The following CACNA2D3 variants were observed in gnomAD, a reference collection of about 807,000 sequenced individuals.
CACNA2D3 encodes the protein voltage-dependent calcium channel subunit alpha-2/delta-3.
A neutral mutation model predicts 160.6 loss-of-function variants in CACNA2D3; 60 were observed. The observed-to-expected ratio is 0.37, with a 90% CI of 0.30 to 0.46. CACNA2D3 has a LOEUF of 0.46. CACNA2D3 is among the 20% of genes least tolerant of loss of function. The probability of loss-of-function intolerance (pLI) is 1.00; values close to 1 mark genes in which losing one functional copy is unlikely to be tolerated. For synonymous variants in CACNA2D3, 558 were observed against 492.9 expected (o/e 1.13, Z -1.75); for missense variants, 1,205 against 1,365.0 (o/e 0.88, Z 1.85).
intron 5 of CACNA2D3, among the ~76,000 whole-genome samples, chr3:54,516,160 T>C (rs539604607): frequency 6.6e-6 from 1 of 152,330 alleles, no homozygotes; most frequent in African/African-American, 2.4e-5. Context: ...GGGGATAAGG[T>C]GCCCTCTCTC....
chr3:54,123,683 A>G, intron 2 of CACNA2D3, 89 bp downstream of exon 2: 1 of 1,044,090 alleles, frequency 9.6e-7, no homozygotes, highest in East Asian at 2.4e-5. Context: ...GTGAGCCCCG[A>G]GCAGCATCAG....
At chr3:54,897,281 T>G (rs748288401) in intron 26 of CACNA2D3, among the ~76,000 whole-genome samples, 1 of 152,306 alleles carries the variant, frequency 6.6e-6, no homozygotes, top group Admixed American at 6.5e-5. Context: ...TAAACTGATA[T>G]GCCGGACTAA....
At chr3:54,209,546 C>T (rs971473640) in intron 2 of CACNA2D3, among the ~76,000 whole-genome samples, 3 of 152,192 alleles carry the variant, frequency 2.0e-5, no homozygotes, top group Non-Finnish European at 4.4e-5. Flanking sequence ...CTGTTCCAAA[C>T]GTATGCTCCT....
intron 2 of CACNA2D3, among the ~76,000 whole-genome samples, chr3:54,169,811 T>C (rs1157637929): frequency 6.6e-6 from 1 of 151,958 alleles, no homozygotes; most frequent in African/African-American, 2.4e-5. Context: ...ATTTCCTATA[T>C]AAGGTGGAGA....
At chr3:54,154,967 A>C (rs1444356355) in intron 2 of CACNA2D3, among the ~76,000 whole-genome samples, 1 of 152,244 alleles carries the variant, frequency 6.6e-6, no homozygotes, top group African/African-American at 2.4e-5. Flanking sequence ...AAAATTATTT[A>C]AATGAAAACC....
At chr3:54,687,056 C>T (rs1404242343) in intron 11 of CACNA2D3, among the ~76,000 whole-genome samples, 1 of 150,160 alleles carries the variant, frequency 6.7e-6, no homozygotes, top group East Asian at 2.0e-4. Context: ...GGTGGCATAC[C>T]TGAGTGCTAA....
At chr3:54,815,323 C>T (rs1473745221) in intron 13 of CACNA2D3, among the ~76,000 whole-genome samples, 1 of 152,086 alleles carries the variant, frequency 6.6e-6, no homozygotes, top group African/African-American at 2.4e-5. Context: ...ATTCTCAATA[C>T]CATTTTGGAG....
chr3:54,753,737 A>AT (rs1701913275), intron 12 of CACNA2D3, among the ~76,000 whole-genome samples: 1 of 152,138 alleles, frequency 6.6e-6, no homozygotes, highest in South Asian at 2.1e-4. Flanking sequence ...TCTTCCTTTA[A>AT]TTTTTTAACT....
chr3:55,056,781 G>A (rs1034767054), intron 35 of CACNA2D3, among the ~76,000 whole-genome samples: 6 of 152,168 alleles, frequency 3.9e-5, no homozygotes, highest in Admixed American at 3.9e-4. Flanking sequence ...GAGTAGCATG[G>A]TGGTAACAGA....
At chr3:54,313,964 G>C (rs1233161456) in intron 2 of CACNA2D3, among the ~76,000 whole-genome samples, 1 of 150,978 alleles carries the variant, frequency 6.6e-6, no homozygotes, top group African/African-American at 2.4e-5. Context: ...GTGTTCTTTA[G>C]TGGTGATTTG....
At chr3:54,770,812 T>C (rs750089311) in intron 13 of CACNA2D3, among the ~76,000 whole-genome samples, 1 of 152,224 alleles carries the variant, frequency 6.6e-6, no homozygotes, top group East Asian at 1.9e-4. Flanking sequence ...TTAAATATTA[T>C]TTAAACCAAC....
chr3:54,123,038 G>C (rs1284959722), intron 1 of CACNA2D3, among the ~76,000 whole-genome samples: 1 of 152,180 alleles, frequency 6.6e-6, no homozygotes, highest in Admixed American at 6.5e-5. Flanking sequence ...GTTGCCGAGT[G>C]AGATCTGGAG....
Position 54,545,286 on chromosome 3 carries a change from A to C in CACNA2D3, c.545-17514A>C, listed in dbSNP as rs953549278. Among the ~76,000 whole-genome samples, 6 of 152,358 alleles carry C rather than the reference A, an allele frequency of 3.9e-5. No individual in the cohort carries two copies. In the East Asian group the frequency reaches 1.2e-3, roughly 29 times the overall value. Reference sequence around the variant, plus strand: ...AGCATGTTCTTTTTAAAACAATTTCAGCTAAAATTTCTAAGTAGTTCTGTC... The same window carrying C: ...AGCATGTTCTTTTTAAAACAATTTCCGCTAAAATTTCTAAGTAGTTCTGTC... On this transcript the variant is annotated intron_variant, in intron 5 of 37. Transcript: ENST00000474759.
At chr3:54,287,415 G>C (rs980255087) in intron 2 of CACNA2D3, among the ~76,000 whole-genome samples, 3 of 151,432 alleles carry the variant, frequency 2.0e-5, no homozygotes, top group Non-Finnish European at 3.0e-5. Flanking sequence ...GGAGCACCCA[G>C]ATTCATAAAG....
chr3:55,011,149 G>T (rs3773568), intron 34 of CACNA2D3, among the ~76,000 whole-genome samples: 47,851 of 152,156 alleles, frequency 0.31, 8,393 homozygotes, highest in Non-Finnish European at 0.39. Flanking sequence ...CCCTGCTGAT[G>T]CCCGCATAGT....
chr3:54,303,808 CTTTTTTTCTGTTTTT>C (rs1308861285), intron 2 of CACNA2D3, among the ~76,000 whole-genome samples: 1 of 110,584 alleles, frequency 9.0e-6, no homozygotes, highest in African/African-American at 3.4e-5. Flanking sequence ...TCATCAGTGA[CTTTTTTTCTGTTTTT>C]TTTTTTTTTT....
chr3:54,782,909 C>G (rs1300480245), intron 13 of CACNA2D3, among the ~76,000 whole-genome samples: 3 of 152,090 alleles, frequency 2.0e-5, no homozygotes, highest in Non-Finnish European at 4.4e-5. Flanking sequence ...AACTGGGGTA[C>G]TAAGAGCTGC....
intron 6 of CACNA2D3, among the ~76,000 whole-genome samples, chr3:54,567,541 CTGTT>C (rs1185444936): frequency 2.6e-5 from 4 of 151,998 alleles, no homozygotes; most frequent in Non-Finnish European, 5.9e-5. Flanking sequence ...TTGTTGTTCT[CTGTT>C]TGTTTTTTGA....
intron 21 of CACNA2D3, among the ~76,000 whole-genome samples, chr3:54,882,315 C>T (rs1699817697): frequency 6.6e-6 from 1 of 152,202 alleles, no homozygotes; most frequent in African/African-American, 2.4e-5. Flanking sequence ...TATTAACTGC[C>T]TCTCATGCGT....
Sources: allele counts gnomAD v4.1 joint callset (sites outside exome capture counted in the v4.1 genomes callset), GRCh38; gene constraint gnomAD v4.1.1; transcripts MANE v1.5; gene names NCBI Gene and HGNC (gene_info 2026-07-23, HGNC 2026-07-21).